The following AFF2 variants were observed in gnomAD, a reference collection of about 807,000 sequenced individuals.
The protein encoded by AFF2 is ALF transcription elongation factor 2.
In AFF2, 14 loss-of-function variants were observed where a neutral mutation model predicts 76.9. The observed-to-expected ratio is 0.18, with a 90% CI of 0.12 to 0.28. The LOEUF (loss-of-function observed/expected upper bound fraction) is 0.28. Among genes scored for constraint, AFF2 ranks in the 10% least tolerant of loss-of-function variants. The probability of loss-of-function intolerance (pLI) is 1.00; values close to 1 mark genes in which losing one functional copy is unlikely to be tolerated. For missense variants in AFF2, 868 were observed against 1,001.1 expected (o/e 0.87, Z 1.79); for synonymous variants, 398 against 366.7 (o/e 1.09, Z -0.98).
chrX:148,811,262 C>A (rs1286924752), intron 4 of AFF2, among the ~76,000 whole-genome samples: 1 of 111,109 alleles, frequency 9.0e-6, no homozygotes, highest in African/African-American at 3.3e-5. Flanking sequence ...CTCCCTACCC[C>A]CTCATCTGCG....
chrX:148,903,337 C>T (rs1358719665), intron 8 of AFF2, among the ~76,000 whole-genome samples: 1 of 112,289 alleles, frequency 8.9e-6, no homozygotes, highest in Non-Finnish European at 1.9e-5. Context: ...AGACTGTAGC[C>T]ATTCTGCCAT....
rs782231008 is a variant in AFF2, at chrX:148,836,370, A to C, written c.1087-1277A>C. ...CTCCTTGCATTACAGCTCTTCATACATCAAAGACTCTTTTTGAACTGAGTA... is the reference window on the plus strand; with the variant it reads ...CTCCTTGCATTACAGCTCTTCATACCTCAAAGACTCTTTTTGAACTGAGTA... On this transcript the variant is annotated intron_variant, in intron 4 of 20. Coordinates refer to ENST00000370460, the MANE Select transcript of AFF2 (RefSeq NM_002025.4). 1.2e-4 allele frequency among the ~76,000 whole-genome samples: 14 copies of C among 112,006 alleles called. No individual in the cohort carries two copies. In the East Asian group the frequency reaches 2.2e-3, roughly 18 times the overall value.
chrX:148,517,477 A>C, intron 1 of AFF2, among the ~76,000 whole-genome samples: 1 of 111,786 alleles, frequency 8.9e-6, no homozygotes, highest in East Asian at 2.8e-4. Context: ...CAGGATGCCA[A>C]GCGGACCCAA....
At chrX:148,915,869 A>G (rs1210976672) in intron 9 of AFF2, among the ~76,000 whole-genome samples, 1 of 112,713 alleles carries the variant, frequency 8.9e-6, no homozygotes, top group Non-Finnish European at 1.9e-5. Context: ...AGCTTCACCT[A>G]TTTCCAAACA....
Position 148,993,618 on chromosome X carries a change from T to C in AFF2, c.*2286T>C, listed in dbSNP as rs976408139. 3.0e-4 allele frequency: 34 copies of C among 112,083 alleles called. No homozygotes were observed. Among genetic ancestry groups the C allele is most frequent in the African/African-American group, 1.1e-3 (33 of 30,813 alleles). 9.2% of individuals were successfully genotyped at this position (112,083 alleles called of 1,213,427 possible). A position where few individuals can be genotyped will look rare whatever the true frequency, so the allele number is the denominator to read the frequency against. On this transcript the variant is annotated 3_prime_UTR_variant, in exon 21 of 21. Transcript: ENST00000370460. ...CCAGAGAAACAAGCATATTGCCTCA[T>C]GGATGAAAGACTTGTAGTTCTAGTT... is the stretch of plus-strand genomic sequence containing the variant.
rs781948772 is a variant in AFF2, at chrX:148,959,278, TAACA to T, written c.2690+822_2690+825del. 5.9e-3 allele frequency among the ~76,000 whole-genome samples: 658 copies of T among 112,351 alleles called. 3 individuals carry two copies. Among genetic ancestry groups the T allele is most frequent in the Non-Finnish European group, 9.0e-3 (481 of 53,277 alleles). On this transcript the variant is annotated intron_variant, in intron 12 of 20. Transcript: ENST00000370460. ...TTCTGTCTTATAAATATCACTTAAC[TAACA>T]ATCATGTCAGCAACTTGAACCATTC...
chrX:148,960,580 A>G lies in AFF2; in HGVS notation c.2690+2122A>G, dbSNP rs141905680. Among the ~76,000 whole-genome samples, 84 of 112,364 alleles carry G rather than the reference A, an allele frequency of 7.5e-4. No individual in the cohort carries two copies. The East Asian group carries it at 0.023, about 30-fold the overall frequency. On this transcript the variant is annotated intron_variant, in intron 12 of 20. Transcript: ENST00000370460. Reference sequence around the variant, plus strand: ...TTGAAGAAGAATGAAGCAATGACTGACCTCTTAGGGGTCTCCTCCTGGGAA... The same window carrying G: ...TTGAAGAAGAATGAAGCAATGACTGGCCTCTTAGGGGTCTCCTCCTGGGAA...
chrX:148,847,082 G>T (rs2070676772), intron 7 of AFF2, among the ~76,000 whole-genome samples: 1 of 111,009 alleles, frequency 9.0e-6, no homozygotes, highest in Admixed American at 9.6e-5. Flanking sequence ...AGTTATTAAA[G>T]AGCAGTGAGG....
At chrX:148,919,380 A>G (rs2071567004) in intron 9 of AFF2, among the ~76,000 whole-genome samples, 1 of 110,842 alleles carries the variant, frequency 9.0e-6, no homozygotes, top group Non-Finnish European at 1.9e-5. Context: ...GCTTCCTCTC[A>G]CTTCATTTCA....
intron 3 of AFF2, among the ~76,000 whole-genome samples, chrX:148,714,754 C>G (rs1180618733): frequency 8.9e-6 from 1 of 111,967 alleles, no homozygotes; most frequent in African/African-American, 3.2e-5. Context: ...CTGTCTCATT[C>G]ACTTCTGTAT....
chrX:148,507,695 A>G (rs1200619495), intron 1 of AFF2, among the ~76,000 whole-genome samples: 1 of 112,290 alleles, frequency 8.9e-6, no homozygotes, highest in African/African-American at 3.2e-5. Flanking sequence ...ATGAAATTTT[A>G]TATGCATGTT....
At chrX:148,835,426 G>A (rs370516276) in intron 4 of AFF2, among the ~76,000 whole-genome samples, 17 of 108,175 alleles carry the variant, frequency 1.6e-4, no homozygotes, top group Admixed American at 1.4e-3. Context: ...GTTTTGATAT[G>A]TATATACATT....
intron 3 of AFF2, among the ~76,000 whole-genome samples, chrX:148,699,155 CTTGA>C (rs2054757353): frequency 8.9e-6 from 1 of 111,895 alleles, no homozygotes; most frequent in South Asian, 3.7e-4. Context: ...GAAGACAGGA[CTTGA>C]TTGATGGGAG....
chrX:148,544,415 A>G (rs781866807), intron 1 of AFF2, among the ~76,000 whole-genome samples: 2 of 106,034 alleles, frequency 1.9e-5, no homozygotes, highest in Non-Finnish European at 3.9e-5. Context: ...CCCTGCTTTC[A>G]CTCTCTCTCT....
At chrX:148,674,047 C>T (rs1333827326) in intron 3 of AFF2, among the ~76,000 whole-genome samples, 7 of 111,859 alleles carry the variant, frequency 6.3e-5, no homozygotes, top group African/African-American at 2.3e-4. Flanking sequence ...ACTATACGGG[C>T]TATATGGTCT....
At chrX:148,900,620 A>T (rs2071343828) in intron 8 of AFF2, among the ~76,000 whole-genome samples, 1 of 111,527 alleles carries the variant, frequency 9.0e-6, no homozygotes, top group Non-Finnish European at 1.9e-5. Flanking sequence ...TGTTAATAAA[A>T]AAGTAAAGAG....
At position 148,998,528 on chromosome X, in the gene AFF2, G is replaced by T. The variant is rs2072634721; in HGVS notation, c.*7196G>T. On this transcript the variant is annotated 3_prime_UTR_variant, in exon 21 of 21. Coordinates refer to ENST00000370460, the MANE Select transcript of AFF2 (RefSeq NM_002025.4). ...GTCTGTTGAATTCATTTGTCCAATT[G>T]TATAACTTTGTGGAGCAGTGTTTTG... 8.9e-6 allele frequency: 1 copy of T among 111,964 alleles called. No homozygotes were observed. Among genetic ancestry groups the T allele is most frequent in the Admixed American group, 9.5e-5 (1 of 10,523 alleles). 9.2% of individuals were successfully genotyped at this position (111,964 alleles called of 1,213,427 possible).
chrX:148,787,891 T>C (rs1172516285), intron 3 of AFF2, among the ~76,000 whole-genome samples: 5 of 112,565 alleles, frequency 4.4e-5, no homozygotes, highest in African/African-American at 1.6e-4. Context: ...AAAAAGACTC[T>C]AGAGCAAGGG....
Position 148,992,557 on chromosome X carries a change from T to G in AFF2, c.*1225T>G, listed in dbSNP as rs183519969. On this transcript the variant is annotated 3_prime_UTR_variant, in exon 21 of 21. Transcript: ENST00000370460. Reference sequence around the variant, plus strand: ...TTATTAAAGTCCATATTATTGTGAATCATTTCCATGAAAATTTCTAAGAAA... The same window carrying G: ...TTATTAAAGTCCATATTATTGTGAAGCATTTCCATGAAAATTTCTAAGAAA... The G allele has an allele frequency of 8.9e-6, 1 of 112,440 alleles. No individual in the cohort carries two copies. Among genetic ancestry groups the G allele is most frequent in the East Asian group, 2.8e-4 (1 of 3,579 alleles). The allele number at this position is 112,440 out of a possible 1,213,427, so 9.3% of individuals were successfully genotyped here. A position where few individuals can be genotyped will look rare whatever the true frequency, so the allele number is the denominator to read the frequency against.
Sources: allele counts gnomAD v4.1 joint callset (sites outside exome capture counted in the v4.1 genomes callset), GRCh38; gene constraint gnomAD v4.1.1; transcripts MANE v1.5; gene names NCBI Gene and HGNC (gene_info 2026-07-23, HGNC 2026-07-21).